Variants in EEF1AKMT1 observed in about 807,000 individuals in gnomAD.
EEF1AKMT1 encodes the protein N-6 adenine-specific DNA methyltransferase 2 (putative).
In EEF1AKMT1, 18 loss-of-function variants were observed where a neutral mutation model predicts 21.0. That is an observed-to-expected ratio of 0.86 (90% CI 0.59 to 1.27). The LOEUF (loss-of-function observed/expected upper bound fraction) is 1.27, where lower values mean the gene tolerates loss of function less well. Ranked by LOEUF, EEF1AKMT1 falls within the 50% of genes most tolerant of loss-of-function variation. The pLI is 0.00. For synonymous variants in EEF1AKMT1, 109 were observed against 94.8 expected, an observed-to-expected ratio of 1.15 and a Z score of -0.87; for missense variants, 246 against 258.6, an observed-to-expected ratio of 0.95 and a Z score of 0.33.
At position 20,728,984 on chromosome 13, in the gene EEF1AKMT1, G is replaced by A. The variant is rs2058774923; in HGVS notation, c.*96C>T. On this transcript the variant is annotated 3_prime_UTR_variant, in exon 5 of 5. Transcript: ENST00000382758. ...CAGGCCAGGGACAGCTCCAGTTTGG[G>A]GGGAGGGGAAGAGATTATAACTTTT... The A allele has an allele frequency of 6.7e-7, 1 of 1,490,758 alleles. No homozygotes were observed. Among genetic ancestry groups the A allele is most frequent in the Non-Finnish European group, 9.3e-7 (1 of 1,079,740 alleles). The allele number at this position is 1,490,758 out of a possible 1,614,324, so 92.3% of individuals were successfully genotyped here. A position where few individuals can be genotyped will look rare whatever the true frequency, so the allele number is the denominator to read the frequency against.
intron 2 of EEF1AKMT1, among the ~76,000 whole-genome samples, chr13:20,754,263 T>TC (rs2058959267): frequency 1.9e-5 from 1 of 52,540 alleles, no homozygotes; most frequent in African/African-American, 4.1e-5. Context: ...TTGTTGGCAG[T>TC]TTTTTTTTCT....
At chr13:20,738,754 G>C (rs988530099) in intron 2 of EEF1AKMT1, among the ~76,000 whole-genome samples, 1 of 152,224 alleles carries the variant, frequency 6.6e-6, no homozygotes, top group African/African-American at 2.4e-5. Context: ...GTGTAATTCT[G>C]TTTATATGAA....
rs2058945354 is a variant in EEF1AKMT1, at chr13:20,752,215, AT to A, written c.144+5239del. Among the ~76,000 whole-genome samples, 5 of 152,142 alleles carry A rather than the reference AT, an allele frequency of 3.3e-5. No individual in the cohort carries two copies. The South Asian group carries it at 1.0e-3, about 32-fold the overall frequency. On this transcript the variant is annotated intron_variant, in intron 2 of 4. Transcript: ENST00000382758. ...AGCAGTGGTGGAAGTGGGCATGCTT[AT>A]CTTATTCCTGATCTTAGAGGAAAGA...
At chr13:20,769,364 T>C (rs2059052133) in intron 1 of EEF1AKMT1, 1 of 152,222 alleles carries the variant, frequency 6.6e-6, no homozygotes, top group Non-Finnish European at 1.5e-5. Flanking sequence ...AAGCCAAAGA[T>C]GCAGGTGGCA....
chr13:20,750,463 C>T (rs2058934416), intron 2 of EEF1AKMT1, among the ~76,000 whole-genome samples: 1 of 152,226 alleles, frequency 6.6e-6, no homozygotes, highest in East Asian at 1.9e-4. Flanking sequence ...CTGTGCCTGG[C>T]TTATTTCACT....
At chr13:20,734,142 A>G (rs541448620) in intron 3 of EEF1AKMT1, among the ~76,000 whole-genome samples, 7 of 152,342 alleles carry the variant, frequency 4.6e-5, no homozygotes, top group Admixed American at 3.3e-4. Flanking sequence ...CAAAGATTAT[A>G]TATGCACACT....
At chr13:20,769,523 T>C (rs559478396) in intron 1 of EEF1AKMT1, 2 of 152,134 alleles carry the variant, frequency 1.3e-5, no homozygotes, top group African/African-American at 4.8e-5. Flanking sequence ...CAACTGCATA[T>C]ACAGGGGAAT....
intron 1 of EEF1AKMT1, among the ~76,000 whole-genome samples, chr13:20,763,941 T>C (rs571745197): frequency 6.7e-6 from 1 of 149,286 alleles, no homozygotes; most frequent in Non-Finnish European, 1.5e-5. Flanking sequence ...TTATTTCTAA[T>C]GTCTTTAGGA....
chr13:20,751,561 C>G (rs1201522902), intron 2 of EEF1AKMT1, among the ~76,000 whole-genome samples: 1 of 152,138 alleles, frequency 6.6e-6, no homozygotes, highest in African/African-American at 2.4e-5. Context: ...GTTACTACAG[C>G]CTTGTAACAT....
At chr13:20,736,733 C>CTT (rs71087090) in intron 3 of EEF1AKMT1, among the ~76,000 whole-genome samples, 12,481 of 87,076 alleles carry the variant, frequency 0.14, 2,070 homozygotes, top group Non-Finnish European at 0.17. Flanking sequence ...AACCATTTGA[C>CTT]TTTTTTTTTT....
At chr13:20,745,039 T>C (rs993764494) in intron 2 of EEF1AKMT1, among the ~76,000 whole-genome samples, 1 of 152,190 alleles carries the variant, frequency 6.6e-6, no homozygotes, top group Admixed American at 6.5e-5. Flanking sequence ...GTTCCATTGG[T>C]CTATATATCT....
Position 20,745,578 on chromosome 13 carries a change from C to T in EEF1AKMT1, c.145-7773G>A, listed in dbSNP as rs746528089. Reference sequence around the variant, plus strand: ...TCAAAACAAGATGGCAGGCCAGGCACGGTGGCTTACGCCTGTAATCCCAGC... The same window carrying T: ...TCAAAACAAGATGGCAGGCCAGGCATGGTGGCTTACGCCTGTAATCCCAGC... On this transcript the variant is annotated intron_variant, in intron 2 of 4. Transcript: ENST00000382758. Among the ~76,000 whole-genome samples, 7 of 152,138 alleles carry T rather than the reference C, an allele frequency of 4.6e-5. No individual in the cohort carries two copies. The South Asian group carries it at 8.3e-4, about 18-fold the overall frequency.
chr13:20,767,664 G>A (rs555403955), intron 1 of EEF1AKMT1, among the ~76,000 whole-genome samples: 1 of 152,076 alleles, frequency 6.6e-6, no homozygotes, highest in Non-Finnish European at 1.5e-5. Flanking sequence ...TTTTTTACAC[G>A]TTTCTTGTAT....
rs766588573 is a variant in EEF1AKMT1 at position 20,757,500 on chromosome 13, T to G, written c.99A>C (p.Pro33=). 1.9e-6 allele frequency: 3 copies of G among 1,614,204 alleles called. No homozygotes were observed. The highest frequency in any genetic ancestry group is 3.3e-5 in the Admixed American group (2 of 60,022). Residue 33 remains proline, a synonymous_variant, in exon 2 of 5, where the codon CCA becomes CCC. Coordinates refer to ENST00000382758, the MANE Select transcript of EEF1AKMT1 (RefSeq NM_001318939.2). ...CAATGTTATATTTATCATCCTCGCC[T>G]GGCTCAATTTGTTGCTTTTGCTCAG... ...FYAEQKQQIE[P]GEDDKYNIGI... is the part of the protein sequence containing the mutation.
At chr13:20,753,525 TC>T (rs1480292806) in intron 2 of EEF1AKMT1, among the ~76,000 whole-genome samples, 1 of 152,182 alleles carries the variant, frequency 6.6e-6, no homozygotes, top group Non-Finnish European at 1.5e-5. Flanking sequence ...TGTTGGAGTA[TC>T]CAGCTATTAC....
chr13:20,760,632 C>T (rs933382648), intron 1 of EEF1AKMT1, among the ~76,000 whole-genome samples: 1 of 152,074 alleles, frequency 6.6e-6, no homozygotes, highest in Non-Finnish European at 1.5e-5. Context: ...GAAACCCAAA[C>T]TCCAGTATCA....
At chr13:20,730,121 G>C (rs1185013996) in intron 4 of EEF1AKMT1, among the ~76,000 whole-genome samples, 1 of 152,236 alleles carries the variant, frequency 6.6e-6, no homozygotes, top group Non-Finnish European at 1.5e-5. Context: ...CTCAGAGTTA[G>C]TGCTTCCAGC....
chr13:20,739,302 G>C (rs546049334), intron 2 of EEF1AKMT1, among the ~76,000 whole-genome samples: 2 of 152,306 alleles, frequency 1.3e-5, no homozygotes, highest in East Asian at 3.9e-4. Context: ...TTATTGTGAG[G>C]AGCAAAAGAA....
intron 1 of EEF1AKMT1, among the ~76,000 whole-genome samples, chr13:20,763,994 T>C (rs10162123): frequency 0.094 from 14,252 of 152,192 alleles, 813 homozygotes; most frequent in Non-Finnish European, 0.13. Flanking sequence ...GTCAGTAATT[T>C]CTGTTTTCTC....
Sources: allele counts gnomAD v4.1 joint callset (sites outside exome capture counted in the v4.1 genomes callset), GRCh38; gene constraint gnomAD v4.1.1; transcripts MANE v1.5; gene names NCBI Gene and HGNC (gene_info 2026-07-23, HGNC 2026-07-21).